CTNNA3: variants seen among roughly 807,000 people sequenced by gnomAD.
The protein encoded by CTNNA3 is catenin alpha 3, also known as catenin alpha-3.
Under a neutral mutation model 95.7 loss-of-function variants are expected in CTNNA3, and 76 were observed. The ratio of observed to expected loss-of-function variants is 0.79; its 90% confidence interval spans 0.66 to 0.96. CTNNA3 has a LOEUF of 0.96. Ranked by LOEUF, CTNNA3 falls within the 40% of genes least tolerant of loss-of-function variation. The probability of loss-of-function intolerance (pLI) is 0.00; values close to 1 mark genes in which losing one functional copy is unlikely to be tolerated. For synonymous variants in CTNNA3, 431 were observed against 374.4 expected (o/e 1.15, Z -1.74); for missense variants, 1,191 against 1,089.8 (o/e 1.09, Z -1.31).
At chr10:67,725,940 T>TATAATTA (rs1261397465) in intron 1 of CTNNA3, among the ~76,000 whole-genome samples, 2 of 140,154 alleles carry the variant, frequency 1.4e-5, no homozygotes, top group African/African-American at 2.7e-5. Context: ...TATATAATTA[T>TATAATTA]TTTTAGTATA....
intron 12 of CTNNA3, among the ~76,000 whole-genome samples, chr10:66,288,721 AT>A (rs2091631423): frequency 6.6e-6 from 1 of 152,068 alleles, no homozygotes; most frequent in African/African-American, 2.4e-5. Flanking sequence ...CAAATCAATT[AT>A]TTGTGAAGCA....
chr10:67,649,580 G>C (rs1839819611), intron 1 of CTNNA3, among the ~76,000 whole-genome samples: 1 of 152,010 alleles, frequency 6.6e-6, no homozygotes, highest in African/African-American at 2.4e-5. Context: ...AAAGAACTTG[G>C]CTTCATATAA....
intron 13 of CTNNA3, among the ~76,000 whole-genome samples, chr10:66,116,671 C>G (rs1447304990): frequency 6.6e-6 from 1 of 152,154 alleles, no homozygotes; most frequent in African/African-American, 2.4e-5. Flanking sequence ...CTATGAAGAA[C>G]TACCTGAGAC....
intron 17 of CTNNA3, among the ~76,000 whole-genome samples, chr10:65,935,622 T>A (rs553431863): frequency 1.7e-4 from 26 of 152,298 alleles, no homozygotes; most frequent in African/African-American, 6.0e-4. Context: ...TGCTAATGTT[T>A]TATAGCTTTT....
chr10:66,427,457 G>A (rs2093252497), intron 11 of CTNNA3, among the ~76,000 whole-genome samples: 1 of 151,944 alleles, frequency 6.6e-6, no homozygotes, highest in South Asian at 2.1e-4. Context: ...CAGTATCTGG[G>A]CACTTCAAAC....
At chr10:66,950,200 TG>T (rs1170062469) in intron 7 of CTNNA3, among the ~76,000 whole-genome samples, 1 of 152,198 alleles carries the variant, frequency 6.6e-6, no homozygotes, top group African/African-American at 2.4e-5. Flanking sequence ...AACTATTTTC[TG>T]ATACAACCAA....
At chr10:66,998,534 T>C (rs1332950845) in intron 7 of CTNNA3, among the ~76,000 whole-genome samples, 3 of 151,842 alleles carry the variant, frequency 2.0e-5, no homozygotes, top group African/African-American at 4.8e-5. Flanking sequence ...CACAGAAAAG[T>C]TGAAAATAAA....
intron 1 of CTNNA3, among the ~76,000 whole-genome samples, chr10:67,739,166 G>A (rs748636844): frequency 3.9e-5 from 6 of 152,076 alleles, no homozygotes; most frequent in Non-Finnish European, 8.8e-5. Flanking sequence ...TGAAATGAAG[G>A]AAAAAATGGT....
intron 5 of CTNNA3, among the ~76,000 whole-genome samples, chr10:67,254,458 A>G (rs1866250019): frequency 6.6e-6 from 1 of 152,192 alleles, no homozygotes; most frequent in Non-Finnish European, 1.5e-5. Flanking sequence ...CAGAAGGATC[A>G]TAACTCATCC....
At chr10:66,928,128 C>G (rs572396086) in intron 7 of CTNNA3, 5 of 1,613,822 alleles carry the variant, frequency 3.1e-6, no homozygotes, top group Admixed American at 3.3e-5. Flanking sequence ...CCACAGAGCC[C>G]GGCCCAGAGA....
At chr10:67,395,505 A>G (rs1341989930) in intron 5 of CTNNA3, among the ~76,000 whole-genome samples, 4 of 152,236 alleles carry the variant, frequency 2.6e-5, no homozygotes, top group Non-Finnish European at 5.9e-5. Flanking sequence ...AATTCCCTTC[A>G]TAGTGTTAAC....
Position 66,771,488 on chromosome 10 carries a change from TAAAG to T in CTNNA3, c.1128+3952_1128+3955del, listed in dbSNP as rs1291905450. Among the ~76,000 whole-genome samples the T allele has an allele frequency of 2.6e-5, 4 of 152,142 alleles. No individual in the cohort carries two copies. In the East Asian group the frequency reaches 7.7e-4, roughly 29 times the overall value. On this transcript the variant is annotated intron_variant, in intron 8 of 17. Coordinates refer to ENST00000433211, the MANE Select transcript of CTNNA3 (RefSeq NM_013266.4). ...TTAAAAAGGCATTTAAAACAAATAA[TAAAG>T]AAAATAATACATGATGGTAAAATCA...
At chr10:67,086,160 A>AT (rs901204085) in intron 7 of CTNNA3, among the ~76,000 whole-genome samples, 9 of 151,846 alleles carry the variant, frequency 5.9e-5, no homozygotes, top group Admixed American at 3.3e-4. Context: ...GAAACAGTAT[A>AT]TTTTTTTTCA....
chr10:67,142,182 AAG>A (rs1377300910), intron 7 of CTNNA3, among the ~76,000 whole-genome samples: 2 of 152,218 alleles, frequency 1.3e-5, no homozygotes, highest in African/African-American at 4.8e-5. Flanking sequence ...GAGGAAAAAA[AAG>A]AGATATTATT....
chr10:66,442,701 C>G (rs145256497), intron 11 of CTNNA3, among the ~76,000 whole-genome samples: 9 of 152,316 alleles, frequency 5.9e-5, no homozygotes, highest in African/African-American at 2.2e-4. Flanking sequence ...CGAATAGGAA[C>G]AGCTCCGGTC....
chr10:66,649,149 A>G (rs1384365362), intron 9 of CTNNA3, among the ~76,000 whole-genome samples: 2 of 152,192 alleles, frequency 1.3e-5, no homozygotes, highest in African/African-American at 4.8e-5. Context: ...CAATACTTGC[A>G]AACATTGCAA....
chr10:67,381,935 A>G (rs1843963003), intron 5 of CTNNA3, among the ~76,000 whole-genome samples: 1 of 151,982 alleles, frequency 6.6e-6, no homozygotes, highest in Non-Finnish European at 1.5e-5. Context: ...GAGCATATTC[A>G]TTTTACTTAC....
chr10:67,531,941 G>C (rs955134296), intron 4 of CTNNA3, among the ~76,000 whole-genome samples: 27 of 151,980 alleles, frequency 1.8e-4, no homozygotes, highest in African/African-American at 6.3e-4. Context: ...CCCTCCACAA[G>C]CTCTCTCTTT....
rs1357549840 is a variant in CTNNA3, at chr10:66,188,593, C to CTGTG, written c.1885-85345_1885-85344insCACA. Among the ~76,000 whole-genome samples, 167 of 104,638 alleles carry CTGTG rather than the reference C, an allele frequency of 1.6e-3. 1 individual carries two copies. The highest frequency in any genetic ancestry group is 0.015 in the South Asian group (52 of 3,428). 68.6% of individuals were successfully genotyped at this position (104,638 alleles called of 152,430 possible). On this transcript the variant is annotated intron_variant, in intron 13 of 17. Transcript: ENST00000433211. Reference sequence around the variant, plus strand: ...GTGTGTGTGTGGGGGGAGGGGGGGTCTCTGTGTGTGTGTGTGTGTGTGTGT... The same window carrying CTGTG: ...GTGTGTGTGTGGGGGGAGGGGGGGTCTGTGTCTGTGTGTGTGTGTGTGTGTGTGT...
Sources: allele counts gnomAD v4.1 joint callset (sites outside exome capture counted in the v4.1 genomes callset), GRCh38; gene constraint gnomAD v4.1.1; transcripts MANE v1.5; gene names NCBI Gene and HGNC (gene_info 2026-07-23, HGNC 2026-07-21).